The following ZFPM2 variants were observed in gnomAD, a reference collection of about 807,000 sequenced individuals.
ZFPM2 encodes the protein zinc finger protein, FOG family member 2, also known as zinc finger protein ZFPM2.
Under a neutral mutation model 98.6 loss-of-function variants are expected in ZFPM2, and 20 were observed. The ratio of observed to expected loss-of-function variants is 0.20; its 90% CI spans 0.14 to 0.29. ZFPM2 has a LOEUF of 0.29. Ranked by LOEUF, ZFPM2 falls within the 10% of genes least tolerant of loss-of-function variation. ZFPM2 has a pLI of 1.00. For missense variants in ZFPM2, 1,310 were observed against 1,388.6 expected (o/e 0.94, Z 0.90); for synonymous variants, 518 against 502.7 (o/e 1.03, Z -0.41).
intron 5 of ZFPM2, among the ~76,000 whole-genome samples, chr8:105,718,819 G>T (rs1414671797): frequency 6.6e-6 from 1 of 151,648 alleles, no homozygotes; most frequent in Admixed American, 6.6e-5. Context: ...TGCAATCCCC[G>T]TGTCTCATTT....
chr8:105,577,725 C>T (rs1048717194), intron 4 of ZFPM2, among the ~76,000 whole-genome samples: 4 of 148,180 alleles, frequency 2.7e-5, no homozygotes, highest in African/African-American at 7.5e-5. Context: ...CCACATAGAG[C>T]GTTATAAAAA....
At chr8:105,586,848 T>TA (rs1563731554) in intron 4 of ZFPM2, among the ~76,000 whole-genome samples, 5 of 147,008 alleles carry the variant, frequency 3.4e-5, no homozygotes, top group African/African-American at 1.2e-4. Flanking sequence ...TATAAATATT[T>TA]TATATATATA....
At chr8:105,515,911 CTTTTTTTTTTTT>C (rs34183654) in intron 3 of ZFPM2, among the ~76,000 whole-genome samples, 4 of 89,282 alleles carry the variant, frequency 4.5e-5, no homozygotes, top group Non-Finnish European at 8.1e-5. Flanking sequence ...AAAACAACTT[CTTTTTTTTTTTT>C]TTTTTTTTTT....
At chr8:105,714,814 G>T (rs998955659) in intron 5 of ZFPM2, among the ~76,000 whole-genome samples, 5 of 151,910 alleles carry the variant, frequency 3.3e-5, no homozygotes, top group African/African-American at 1.2e-4. Context: ...TTGTATAAAA[G>T]ATTTTAAAAA....
rs1811437044 is a variant in ZFPM2 at position 105,712,885 on chromosome 8, T to A, written c.533-75833T>A. Among the ~76,000 whole-genome samples, 3 of 152,110 alleles carry A rather than the reference T, an allele frequency of 2.0e-5. No homozygotes were observed. The South Asian group carries it at 6.2e-4, about 31-fold the overall frequency. Reference sequence around the variant, plus strand: ...ATCCATGTTGCTGCAAAGGACATGATATCATTCTTTTTTTATGGCTGCATA... The same window carrying A: ...ATCCATGTTGCTGCAAAGGACATGAAATCATTCTTTTTTTATGGCTGCATA... On this transcript the variant is annotated intron_variant, in intron 5 of 7. Transcript: ENST00000407775.
At chr8:105,584,496 A>G (rs951733294) in intron 4 of ZFPM2, among the ~76,000 whole-genome samples, 1 of 152,172 alleles carries the variant, frequency 6.6e-6, no homozygotes, top group African/African-American at 2.4e-5. Context: ...AACACAAAGT[A>G]GTCTGGTTTT....
At chr8:105,600,444 G>A (rs1278337067) in intron 4 of ZFPM2, among the ~76,000 whole-genome samples, 1 of 151,972 alleles carries the variant, frequency 6.6e-6, no homozygotes, top group Non-Finnish European at 1.5e-5. Flanking sequence ...GTCCTACTAA[G>A]AAAAGAGGGA....
At chr8:105,625,208 A>G (rs1816629361) in intron 4 of ZFPM2, among the ~76,000 whole-genome samples, 1 of 152,144 alleles carries the variant, frequency 6.6e-6, no homozygotes, top group African/African-American at 2.4e-5. Context: ...TATTCTTAAT[A>G]TCATTGAGCT....
intron 1 of ZFPM2, among the ~76,000 whole-genome samples, chr8:105,382,450 CTTTT>C (rs1563632275): frequency 1.3e-5 from 2 of 151,860 alleles, no homozygotes. Flanking sequence ...TTATTAAACA[CTTTT>C]GTCAATATTA....
chr8:105,560,063 G>A (rs972449519), intron 3 of ZFPM2, among the ~76,000 whole-genome samples: 3 of 151,466 alleles, frequency 2.0e-5, no homozygotes, highest in African/African-American at 7.3e-5. Flanking sequence ...AAAATTAGCC[G>A]GACCTGATGG....
intron 4 of ZFPM2, among the ~76,000 whole-genome samples, chr8:105,572,714 C>A (rs1372771431): frequency 1.3e-5 from 2 of 152,122 alleles, no homozygotes; most frequent in African/African-American, 4.8e-5. Context: ...AGGTGATCTG[C>A]GTGCCTTGGC....
intron 6 of ZFPM2, among the ~76,000 whole-genome samples, chr8:105,793,990 C>CAAAG (rs977920278): frequency 3.1e-4 from 47 of 152,182 alleles, no homozygotes; most frequent in Admixed American, 1.5e-3. Context: ...AAATTTTTTT[C>CAAAG]AAAGATTTTA....
At chr8:105,539,696 GTTATAA>G (rs1415939559) in intron 3 of ZFPM2, among the ~76,000 whole-genome samples, 2 of 152,104 alleles carry the variant, frequency 1.3e-5, no homozygotes, top group Non-Finnish European at 2.9e-5. Flanking sequence ...TTATTGCAAA[GTTATAA>G]TTATATTGGT....
rs1586288096 is a variant in ZFPM2 at position 105,318,588 on chromosome 8, C to T, written c.-354C>T. The T allele has an allele frequency of 6.6e-6, 1 of 150,996 alleles. No individual in the cohort carries two copies. The highest frequency in any genetic ancestry group is 1.5e-5 in the Non-Finnish European group (1 of 67,818). The allele number at this position is 150,996 out of a possible 1,614,324, so 9.4% of individuals were successfully genotyped here. On this transcript the variant is annotated 5_prime_UTR_variant, in exon 1 of 8. Coordinates refer to ENST00000407775, the MANE Select transcript of ZFPM2 (RefSeq NM_012082.4). ...CTCGCTGCTCGCTCTCCCGTCCCTC[C>T]CTCCTTCTCTTCCTTCTTTCCGTGT...
intron 1 of ZFPM2, among the ~76,000 whole-genome samples, chr8:105,406,550 T>C (rs1197939828): frequency 1.3e-5 from 2 of 152,020 alleles, no homozygotes; most frequent in African/African-American, 4.8e-5. Context: ...TCCACTCTTA[T>C]TGTGACCCTC....
chr8:105,651,911 T>C (rs1211818010), intron 5 of ZFPM2, among the ~76,000 whole-genome samples: 1 of 152,162 alleles, frequency 6.6e-6, no homozygotes, highest in East Asian at 1.9e-4. Flanking sequence ...AAATGTAACA[T>C]TCCTTAGTGA....
intron 3 of ZFPM2, among the ~76,000 whole-genome samples, chr8:105,556,380 T>C (rs1443589882): frequency 1.3e-5 from 2 of 152,138 alleles, no homozygotes; most frequent in African/African-American, 4.8e-5. Context: ...ATTCTTCAAT[T>C]TCTTTTTGGT....
Position 105,803,163 on chromosome 8 carries a change from G to T in ZFPM2, c.3081G>T (p.Leu1027=). 6.2e-7 allele frequency: 1 copy of T among 1,613,910 alleles called. No individual in the cohort carries two copies. Among genetic ancestry groups the T allele is most frequent in the Non-Finnish European group, 8.5e-7 (1 of 1,179,848 alleles). ...GQASSNGCAA[L]KKDSLPLLPK... The stretch of plus-strand genomic sequence containing the variant: ...CTTCCTCAAATGGGTGTGCTGCGCT[G>T]AAGAAAGATTCTCTGCCATTGTTGC... The change falls in exon 8 of 8, where the codon CTG becomes CTT. Residue 1027 remains leucine (L), a synonymous_variant. Transcript: ENST00000407775.
intron 5 of ZFPM2, among the ~76,000 whole-genome samples, chr8:105,753,495 G>T (rs1029947716): frequency 6.6e-6 from 1 of 152,010 alleles, no homozygotes; most frequent in Admixed American, 6.6e-5. Context: ...TACTAGAGCT[G>T]AATTATTTTG....
Sources: gnomAD v4.1 joint callset for allele counts (sites outside exome capture counted in the v4.1 genomes callset) on GRCh38, gnomAD v4.1.1 for gene constraint, MANE v1.5 for transcripts, NCBI Gene and HGNC (gene_info 2026-07-23, HGNC 2026-07-21) for gene names.